Variants in MMRN1 observed in about 807,000 individuals in gnomAD.
The protein encoded by MMRN1 is multimerin 1.
MMRN1 carries 94 observed loss-of-function variants against 100.7 expected under a neutral mutation model. The ratio of observed to expected loss-of-function variants is 0.93; its 90% CI spans 0.79 to 1.11. The LOEUF is 1.11. Among genes scored for constraint, MMRN1 ranks in the 50% least tolerant of loss-of-function variants. MMRN1 has a pLI of 0.00. For synonymous variants in MMRN1, 575 were observed against 505.0 expected, an observed-to-expected ratio of 1.14 and a Z score of -1.86; for missense variants, 1,606 against 1,439.1, an observed-to-expected ratio of 1.12 and a Z score of -1.88.
At chr4:89,918,167 A>G (rs1218461253) in intron 3 of MMRN1, among the ~76,000 whole-genome samples, 1 of 150,794 alleles carries the variant, frequency 6.6e-6, no homozygotes, top group Non-Finnish European at 1.5e-5. Context: ...ATTAATATAT[A>G]TTCATTTAAA....
At chr4:89,918,025 T>C (rs1721976752) in intron 3 of MMRN1, among the ~76,000 whole-genome samples, 1 of 151,812 alleles carries the variant, frequency 6.6e-6, no homozygotes, top group African/African-American at 2.4e-5. Context: ...AATCAATGAA[T>C]ATTTATTGCA....
intron 6 of MMRN1, among the ~76,000 whole-genome samples, chr4:89,940,053 A>G (rs1452050850): frequency 6.6e-6 from 1 of 152,148 alleles, no homozygotes; most frequent in African/African-American, 2.4e-5. Context: ...TAGGCCACTG[A>G]TGATAAGATA....
intron 1 of MMRN1, among the ~76,000 whole-genome samples, chr4:89,905,514 A>C (rs1223916872): frequency 3.3e-5 from 5 of 151,464 alleles, no homozygotes; most frequent in African/African-American, 1.2e-4. Context: ...TGGACATTTG[A>C]GATCTTATAC....
Position 89,906,306 on chromosome 4 carries a change from A to C in MMRN1, c.624-2970A>C, listed in dbSNP as rs568863896. Among the ~76,000 whole-genome samples the C allele has an allele frequency of 2.6e-5, 4 of 151,730 alleles. No individual in the cohort carries two copies. In the South Asian group the frequency reaches 8.3e-4, roughly 31 times the overall value. On this transcript the variant is annotated intron_variant, in intron 1 of 7. Transcript: ENST00000264790. ...CCCCTCTCTATTTTATATGTTCAAC[A>C]AGCTAGGCATTTGCTCATAACCAAA...
At chr4:89,896,380 GAAATA>G (rs2110579981) in intron 1 of MMRN1, among the ~76,000 whole-genome samples, 1 of 152,062 alleles carries the variant, frequency 6.6e-6, no homozygotes, top group East Asian at 1.9e-4. Context: ...TTGAGTGGTT[GAAATA>G]AAATAAAACA....
At chr4:89,928,530 G>T (rs1418344228) in intron 5 of MMRN1, among the ~76,000 whole-genome samples, 2 of 152,148 alleles carry the variant, frequency 1.3e-5, no homozygotes, top group African/African-American at 4.8e-5. Context: ...GGGCTTAAAA[G>T]CAGGCTATGT....
intron 1 of MMRN1, among the ~76,000 whole-genome samples, chr4:89,884,789 T>C (rs1313531156): frequency 6.6e-6 from 1 of 152,078 alleles, no homozygotes; most frequent in Non-Finnish European, 1.5e-5. Context: ...TACATAGAAT[T>C]TTTATGTACA....
intron 7 of MMRN1, 97 bp from the exon 8 acceptor site, chr4:89,952,900 G>T: frequency 8.1e-7 from 1 of 1,240,092 alleles, no homozygotes; most frequent in South Asian, 1.5e-5. Context: ...CTTCTGCTAA[G>T]ACTTTTTGTA....
intron 4 of MMRN1, 29 bp from the exon 5 acceptor site, chr4:89,927,763 TTAA>T (rs1722306819): frequency 7.6e-6 from 12 of 1,584,732 alleles, no homozygotes; most frequent in Non-Finnish European, 1.0e-5. Flanking sequence ...AATATATTTT[TTAA>T]TGGTCTCAAT....
chr4:89,912,725 A>T (rs1429088544), intron 3 of MMRN1, among the ~76,000 whole-genome samples: 1 of 151,276 alleles, frequency 6.6e-6, no homozygotes, highest in Non-Finnish European at 1.5e-5. Context: ...ATATTACAAG[A>T]AAGGCCATTA....
At chr4:89,904,471 AC>A (rs112434800) in intron 1 of MMRN1, among the ~76,000 whole-genome samples, 12,433 of 151,700 alleles carry the variant, frequency 0.082, 924 homozygotes, top group East Asian at 0.3. Context: ...CCTAGCAATC[AC>A]CATTCTATTT....
intron 1 of MMRN1, among the ~76,000 whole-genome samples, chr4:89,902,695 C>T (rs1040459546): frequency 1.3e-5 from 2 of 151,774 alleles, no homozygotes; most frequent in Non-Finnish European, 2.9e-5. Context: ...AAAATTATGC[C>T]TGACAAAAAT....
intron 1 of MMRN1, among the ~76,000 whole-genome samples, chr4:89,885,099 A>T (rs1471498924): frequency 1.3e-5 from 2 of 151,914 alleles, no homozygotes; most frequent in African/African-American, 4.8e-5. Flanking sequence ...ATCTACTTAG[A>T]TGTATATACA....
At chr4:89,916,550 A>G (rs929053472) in intron 3 of MMRN1, among the ~76,000 whole-genome samples, 5 of 151,570 alleles carry the variant, frequency 3.3e-5, no homozygotes, top group Admixed American at 2.6e-4. Context: ...AAAAAGCTTA[A>G]TTTTTCTCAT....
At chr4:89,902,274 T>C (rs1226115576) in intron 1 of MMRN1, among the ~76,000 whole-genome samples, 5 of 151,474 alleles carry the variant, frequency 3.3e-5, no homozygotes, top group African/African-American at 1.2e-4. Flanking sequence ...CATGTATACA[T>C]ATGTAACTAA....
chr4:89,902,291 C>G (rs996014899), intron 1 of MMRN1, among the ~76,000 whole-genome samples: 12 of 149,908 alleles, frequency 8.0e-5, no homozygotes, highest in Non-Finnish European at 1.5e-4. Flanking sequence ...CTAACCTGCA[C>G]AATGTGCACA....
In MMRN1 at chr4:89,935,532, A is replaced by C. The variant is rs767622505; in HGVS notation, c.1852A>C (p.Asn618His). 1.9e-6 allele frequency: 3 copies of C among 1,613,186 alleles called. No individual in the cohort carries two copies. Among genetic ancestry groups the C allele is most frequent in the Non-Finnish European group, 2.5e-6 (3 of 1,179,684 alleles). The change falls in exon 6 of 8, where the codon AAT becomes CAT. Residue 618 changes from asparagine (N) to histidine (H), a missense_variant. Asn to His is a moderately conservative substitution (Grantham distance 68). Coordinates refer to ENST00000264790, the MANE Select transcript of MMRN1 (RefSeq NM_007351.3). ...KDTEENLHVL[N>H]QTLAEVLFPM... Reference sequence around the variant, plus strand: ...CACAGAAGAGAATTTACATGTGTTAAATCAAACATTGGCTGAAGTTCTCTT... The same window carrying C: ...CACAGAAGAGAATTTACATGTGTTACATCAAACATTGGCTGAAGTTCTCTT...
At chr4:89,904,105 C>G (rs771320446) in intron 1 of MMRN1, among the ~76,000 whole-genome samples, 9 of 151,568 alleles carry the variant, frequency 5.9e-5, no homozygotes, top group African/African-American at 2.2e-4. Flanking sequence ...CCCTCCTCCT[C>G]TCTTCTTTTC....
At chr4:89,944,743 T>A (rs989942389) in intron 6 of MMRN1, among the ~76,000 whole-genome samples, 1 of 152,178 alleles carries the variant, frequency 6.6e-6, no homozygotes, top group African/African-American at 2.4e-5. Flanking sequence ...TTACATTTGG[T>A]AAAATAATAA....
Sources: allele counts gnomAD v4.1 joint callset (sites outside exome capture counted in the v4.1 genomes callset), GRCh38; gene constraint gnomAD v4.1.1; transcripts MANE v1.5; gene names NCBI Gene and HGNC (gene_info 2026-07-23, HGNC 2026-07-21).